The following CPEB3 variants were observed in gnomAD, a reference collection of about 807,000 sequenced individuals.
CPEB3 encodes cytoplasmic polyadenylation element binding protein 3, also known as cytoplasmic polyadenylation element-binding protein 3.
Under a neutral mutation model 67.2 loss-of-function variants are expected in CPEB3, and 20 were observed. That is an observed-to-expected ratio of 0.30 (90% CI 0.21 to 0.43). The LOEUF is 0.43. CPEB3 is among the 20% of genes least tolerant of loss of function. The pLI, the probability that CPEB3 is intolerant of heterozygous loss-of-function variation, is 1.00. For synonymous variants in CPEB3, 376 were observed against 393.1 expected (o/e 0.96, Z 0.51); for missense variants, 746 against 968.6 (o/e 0.77, Z 3.05).
chr10:92,055,973 G>C (rs1242046195), intron 9 of CPEB3, among the ~76,000 whole-genome samples: 1 of 152,178 alleles, frequency 6.6e-6, no homozygotes, highest in African/African-American at 2.4e-5. Context: ...AGCCAAGATT[G>C]TGTCATTGTA....
At position 92,146,981 on chromosome 10, in the gene CPEB3, C is replaced by A. The variant is rs541861424; in HGVS notation, c.1223-1896G>T. ...ATGCCTACTCAGTGTCAGGCACATGCGCAAATCAGCATTTCCCAGTGAGTG... is the reference window on the plus strand; with the variant it reads ...ATGCCTACTCAGTGTCAGGCACATGAGCAAATCAGCATTTCCCAGTGAGTG... On this transcript the variant is annotated intron_variant, in intron 4 of 9. Coordinates refer to ENST00000265997, the MANE Select transcript of CPEB3 (RefSeq NM_014912.5). 2.0e-5 allele frequency among the ~76,000 whole-genome samples: 3 copies of A among 152,196 alleles called. No homozygotes were observed. In the South Asian group the frequency reaches 6.2e-4, roughly 31 times the overall value.
Position 92,049,171 on chromosome 10 carries a change from G to T in CPEB3, c.*3041C>A, listed in dbSNP as rs2134230219. ...CAGTGAATCACAATGTCTAAAGTTT[G>T]CAATGAAAATAAATCTGCAATAAAG... is the stretch of plus-strand genomic sequence containing the variant. On this transcript the variant is annotated 3_prime_UTR_variant, in exon 10 of 10. Transcript: ENST00000265997. 6.6e-6 allele frequency: 1 copy of T among 152,062 alleles called. No homozygotes were observed. Among genetic ancestry groups the T allele is most frequent in the Admixed American group, 6.6e-5 (1 of 15,238 alleles). The allele number at this position is 152,062 out of a possible 1,614,324, so 9.4% of individuals were successfully genotyped here.
intron 3 of CPEB3, among the ~76,000 whole-genome samples, chr10:92,191,388 A>G (rs866402744): frequency 1.3e-5 from 2 of 151,142 alleles, no homozygotes; most frequent in African/African-American, 4.9e-5. Flanking sequence ...TCAAAAAAAT[A>G]AAAAATAAAA....
intron 2 of CPEB3, among the ~76,000 whole-genome samples, chr10:92,238,626 GA>G (rs36036680): frequency 0.65 from 92,197 of 142,576 alleles, 29,777 homozygotes; most frequent in African/African-American, 0.78. Context: ...TCTTACCTCC[GA>G]AAAAAAAAAA....
intron 9 of CPEB3, among the ~76,000 whole-genome samples, chr10:92,074,801 A>C (rs969384616): frequency 2.6e-5 from 4 of 152,228 alleles, no homozygotes; most frequent in Non-Finnish European, 5.9e-5. Flanking sequence ...GAGTATAAAA[A>C]GCTCGCTCTC....
At chr10:92,165,364 C>T (rs1302830908) in intron 4 of CPEB3, among the ~76,000 whole-genome samples, 8 of 150,040 alleles carry the variant, frequency 5.3e-5, no homozygotes, top group African/African-American at 1.5e-4. Context: ...AAAATCTCAA[C>T]GATCATCTGT....
intron 1 of CPEB3, among the ~76,000 whole-genome samples, chr10:92,276,140 GC>G (rs369618747): frequency 5.9e-5 from 9 of 151,872 alleles, no homozygotes; most frequent in African/African-American, 2.2e-4. Context: ...GAGCCACCAC[GC>G]CCGGCATTTC....
At chr10:92,274,631 A>G (rs1158676830) in intron 1 of CPEB3, among the ~76,000 whole-genome samples, 1 of 152,136 alleles carries the variant, frequency 6.6e-6, no homozygotes, top group East Asian at 1.9e-4. Context: ...ATTTGAGGTC[A>G]GGAGTTCAAG....
At chr10:92,119,780 T>G (rs1346480923) in intron 6 of CPEB3, among the ~76,000 whole-genome samples, 2 of 152,088 alleles carry the variant, frequency 1.3e-5, no homozygotes, top group African/African-American at 4.8e-5. Context: ...TCCAGAAAAT[T>G]ATCATTGAAC....
At chr10:92,218,719 A>T (rs936056384) in intron 2 of CPEB3, among the ~76,000 whole-genome samples, 3 of 152,206 alleles carry the variant, frequency 2.0e-5, no homozygotes, top group African/African-American at 7.2e-5. Flanking sequence ...GAGTAAGAAC[A>T]ATAGAGATTG....
intron 9 of CPEB3, among the ~76,000 whole-genome samples, chr10:92,066,314 A>C (rs1266865596): frequency 6.6e-6 from 1 of 152,204 alleles, no homozygotes; most frequent in Admixed American, 6.5e-5. Context: ...GTGTGCCTGT[A>C]ATCCCAGCTA....
intron 6 of CPEB3, among the ~76,000 whole-genome samples, chr10:92,134,962 T>A (rs980076125): frequency 2.0e-5 from 3 of 152,140 alleles, no homozygotes; most frequent in Non-Finnish European, 2.9e-5. Flanking sequence ...GCTAGCCATA[T>A]GTAGAAAGCT....
At chr10:92,266,401 G>GT (rs1356372419) in intron 1 of CPEB3, among the ~76,000 whole-genome samples, 2 of 152,170 alleles carry the variant, frequency 1.3e-5, no homozygotes, top group Admixed American at 1.3e-4. Context: ...AGTCACTGCA[G>GT]TTTGCACGGT....
At chr10:92,178,954 TGG>T (rs1358728898) in intron 4 of CPEB3, among the ~76,000 whole-genome samples, 1 of 152,130 alleles carries the variant, frequency 6.6e-6, no homozygotes, top group Non-Finnish European at 1.5e-5. Context: ...GTTGTTCGTA[TGG>T]TTTATTTTAA....
chr10:92,140,853 T>G (rs855701), intron 6 of CPEB3, among the ~76,000 whole-genome samples: 47,189 of 67,688 alleles, frequency 0.7, 17,052 homozygotes, highest in African/African-American at 0.9. Flanking sequence ...AAGAAGACAT[T>G]TATGCAGCCA....
intron 8 of CPEB3, among the ~76,000 whole-genome samples, chr10:92,081,833 G>A (rs968740751): frequency 1.3e-4 from 20 of 152,160 alleles, no homozygotes; most frequent in Non-Finnish European, 2.5e-4. Context: ...TGCACCCTGG[G>A]TAGGCAAGGC....
At chr10:92,252,050 A>AT (rs1267425307) in intron 1 of CPEB3, among the ~76,000 whole-genome samples, 2 of 151,892 alleles carry the variant, frequency 1.3e-5, no homozygotes, top group Non-Finnish European at 1.5e-5. Context: ...CTCTATATAT[A>AT]TTTTTTTTCA....
intron 2 of CPEB3, among the ~76,000 whole-genome samples, chr10:92,238,349 A>C (rs1448319881): frequency 6.6e-6 from 1 of 152,198 alleles, no homozygotes; most frequent in East Asian, 1.9e-4. Context: ...CTAGATCAGA[A>C]AGCAAGAACA....
rs200366862 is a variant in CPEB3 at position 92,223,496 on chromosome 10, ACTC to A, written c.1005+15847_1005+15849del. On this transcript the variant is annotated intron_variant, in intron 2 of 9. Coordinates refer to ENST00000265997, the MANE Select transcript of CPEB3 (RefSeq NM_014912.5). ...ACCAAAAACCTGGCAGTCATTCTAGACTCCTCCTTCTCTTTTATTTCCTACATG... is the reference window on the plus strand; with the variant it reads ...ACCAAAAACCTGGCAGTCATTCTAGACTCCTTCTCTTTTATTTCCTACATG... Among the ~76,000 whole-genome samples the A allele has an allele frequency of 9.4e-3, 1,370 of 145,278 alleles. 20 individuals are homozygous for A. The highest frequency in any genetic ancestry group is 0.032 in the African/African-American group (1,248 of 38,928).
Sources: allele counts gnomAD v4.1 joint callset (sites outside exome capture counted in the v4.1 genomes callset), GRCh38; gene constraint gnomAD v4.1.1; transcripts MANE v1.5; gene names NCBI Gene and HGNC (gene_info 2026-07-23, HGNC 2026-07-21).